The following LRRTM3 variants were observed in gnomAD, a reference collection of about 807,000 sequenced individuals.
LRRTM3 encodes the protein leucine-rich repeat transmembrane neuronal protein 3.
A neutral mutation model predicts 44.7 loss-of-function variants in LRRTM3; 24 were observed. That is an observed-to-expected ratio of 0.54 (90% CI 0.39 to 0.76). LRRTM3 has a LOEUF of 0.76. LRRTM3 is among the 30% of genes least tolerant of loss of function. The pLI is 0.00. For missense variants in LRRTM3, 587 were observed against 702.2 expected (o/e 0.84, Z 1.85); for synonymous variants, 277 against 278.7 (o/e 0.99, Z 0.06).
chr10:67,028,975 A>G (rs953294017), intron 2 of LRRTM3, among the ~76,000 whole-genome samples: 2 of 152,194 alleles, frequency 1.3e-5, no homozygotes, highest in African/African-American at 4.8e-5. Flanking sequence ...TCAAAAATCA[A>G]CAGCAATCAT....
At chr10:67,080,239 T>G (rs1036417107) in intron 2 of LRRTM3, among the ~76,000 whole-genome samples, 26 of 152,196 alleles carry the variant, frequency 1.7e-4, no homozygotes, top group African/African-American at 5.5e-4. Flanking sequence ...TGGATTGGGT[T>G]TTGAAATGGT....
chr10:66,992,956 G>GT (rs1851121732), intron 2 of LRRTM3, among the ~76,000 whole-genome samples: 1 of 152,064 alleles, frequency 6.6e-6, no homozygotes, highest in African/African-American at 2.4e-5. Flanking sequence ...AGCTTTATAA[G>GT]TTTTTTGGAT....
intron 2 of LRRTM3, among the ~76,000 whole-genome samples, chr10:67,092,270 A>G (rs1857689245): frequency 6.6e-6 from 1 of 151,966 alleles, no homozygotes; most frequent in South Asian, 2.1e-4. Flanking sequence ...CCCCTGTGAT[A>G]TATGAGGAGA....
intron 2 of LRRTM3, among the ~76,000 whole-genome samples, chr10:66,962,421 T>TC (rs1282863858): frequency 6.6e-6 from 1 of 151,590 alleles, no homozygotes. Context: ...TGTTTTTGTT[T>TC]TTTTTTTGAG....
At chr10:66,932,144 A>G (rs1429492740) in intron 2 of LRRTM3, among the ~76,000 whole-genome samples, 2 of 152,042 alleles carry the variant, frequency 1.3e-5, no homozygotes, top group Non-Finnish European at 2.9e-5. Flanking sequence ...CACTGGTTCT[A>G]TTAGGCTCTC....
chr10:67,007,586 A>G (rs957351810), intron 2 of LRRTM3, among the ~76,000 whole-genome samples: 4 of 152,200 alleles, frequency 2.6e-5, no homozygotes, highest in Middle Eastern at 3.4e-3. Flanking sequence ...GTAAAAGGGA[A>G]AACCTGAAAA....
chr10:67,013,630 A>G (rs1852475634), intron 2 of LRRTM3, among the ~76,000 whole-genome samples: 3 of 152,182 alleles, frequency 2.0e-5, no homozygotes. Flanking sequence ...TTCTTGATAC[A>G]AAAGTATTAA....
intron 2 of LRRTM3, among the ~76,000 whole-genome samples, chr10:66,987,359 G>A (rs980564658): frequency 2.0e-5 from 3 of 152,162 alleles, no homozygotes; most frequent in South Asian, 4.1e-4. Flanking sequence ...AGTGATCATA[G>A]TCTGTGGACT....
intron 2 of LRRTM3, among the ~76,000 whole-genome samples, chr10:67,053,242 A>T (rs1855220273): frequency 6.6e-6 from 1 of 152,200 alleles, no homozygotes. Flanking sequence ...CTACCTACAC[A>T]CTAGGATGCA....
chr10:66,996,142 T>C (rs1851322842), intron 2 of LRRTM3, among the ~76,000 whole-genome samples: 1 of 152,184 alleles, frequency 6.6e-6, no homozygotes, highest in African/African-American at 2.4e-5. Flanking sequence ...AGCTACTTCA[T>C]TGCACAAGTA....
chr10:67,066,842 T>C (rs1163318581), intron 2 of LRRTM3, among the ~76,000 whole-genome samples: 4 of 152,224 alleles, frequency 2.6e-5, no homozygotes, highest in Admixed American at 2.6e-4. Flanking sequence ...AATAGTGATG[T>C]TATATTAAAA....
intron 2 of LRRTM3, among the ~76,000 whole-genome samples, chr10:66,979,057 T>TGG (rs1850255324): frequency 6.8e-6 from 1 of 147,988 alleles, no homozygotes; most frequent in South Asian, 2.2e-4. Context: ...CTCTACCTCC[T>TGG]GGGCTCAAGA....
chr10:66,950,135 T>C (rs532810786), intron 2 of LRRTM3, among the ~76,000 whole-genome samples: 2 of 152,320 alleles, frequency 1.3e-5, no homozygotes, highest in South Asian at 4.1e-4. Context: ...TTCTTCTGCC[T>C]GGAACATTGC....
At chr10:66,995,491 T>A (rs1271300515) in intron 2 of LRRTM3, among the ~76,000 whole-genome samples, 1 of 152,222 alleles carries the variant, frequency 6.6e-6, no homozygotes, top group Non-Finnish European at 1.5e-5. Context: ...AAGTGATCTT[T>A]TTAAAACACG....
intron 2 of LRRTM3, among the ~76,000 whole-genome samples, chr10:67,021,529 T>C (rs1853014919): frequency 6.6e-6 from 1 of 152,002 alleles, no homozygotes; most frequent in African/African-American, 2.4e-5. Flanking sequence ...TAACAAAAAT[T>C]ACAATAAAAA....
intron 2 of LRRTM3, among the ~76,000 whole-genome samples, chr10:67,049,930 T>C (rs972780182): frequency 7.2e-5 from 11 of 152,238 alleles, no homozygotes; most frequent in Non-Finnish European, 1.5e-4. Context: ...CATTTAGAAA[T>C]CCCTAAATGT....
chr10:67,083,513 TTTTAACTACA>T (rs1857150559), intron 2 of LRRTM3, among the ~76,000 whole-genome samples: 2 of 152,226 alleles, frequency 1.3e-5, no homozygotes, highest in Admixed American at 1.3e-4. Context: ...AATGTGCTAA[TTTTAACTACA>T]TTTGAGTTAT....
At chr10:67,029,676 TAA>T (rs1853601630) in intron 2 of LRRTM3, among the ~76,000 whole-genome samples, 1 of 152,210 alleles carries the variant, frequency 6.6e-6, no homozygotes, top group Non-Finnish European at 1.5e-5. Flanking sequence ...CCAAAAGACT[TAA>T]GTGTGGCTCT....
chr10:67,047,278 T>A (rs187855970), intron 2 of LRRTM3, among the ~76,000 whole-genome samples: 1 of 152,294 alleles, frequency 6.6e-6, no homozygotes, highest in Admixed American at 6.5e-5. Flanking sequence ...CTGGGAAAGG[T>A]ATTGACTAGT....
Sources: gnomAD v4.1 joint callset for allele counts (sites outside exome capture counted in the v4.1 genomes callset) on GRCh38, gnomAD v4.1.1 for gene constraint, MANE v1.5 for transcripts, NCBI Gene and HGNC (gene_info 2026-07-23, HGNC 2026-07-21) for gene names.